VSTM1: variants seen among roughly 807,000 people sequenced by gnomAD.
VSTM1 encodes V-set and transmembrane domain-containing protein 1.
VSTM1 carries 27 observed loss-of-function variants against 33.1 expected under a neutral mutation model. The observed-to-expected ratio is 0.82, with a 90% CI of 0.60 to 1.12. The LOEUF (loss-of-function observed/expected upper bound fraction) is 1.12. Ranked by LOEUF, VSTM1 falls within the 50% of genes most tolerant of loss-of-function variation. VSTM1 has a pLI of 0.00. For missense variants in VSTM1, 304 were observed against 288.9 expected, an observed-to-expected ratio of 1.05 and a Z score of -0.38; for synonymous variants, 115 against 110.3, an observed-to-expected ratio of 1.04 and a Z score of -0.27.
chr19:54,051,162 C>T (rs191898278), intron 4 of VSTM1, among the ~76,000 whole-genome samples: 5 of 143,168 alleles, frequency 3.5e-5, no homozygotes, highest in East Asian at 2.2e-4. Flanking sequence ...TGTGGTGGTG[C>T]GTGCCTGTAG....
intron 1 of VSTM1, among the ~76,000 whole-genome samples, chr19:54,061,168 C>A (rs1252312709): frequency 1.3e-5 from 2 of 151,948 alleles, no homozygotes; most frequent in African/African-American, 4.8e-5. Context: ...CAGGTCCTTG[C>A]CACCATGCCC....
intron 3 of VSTM1, among the ~76,000 whole-genome samples, chr19:54,056,214 CTTTTT>C (rs869203085): frequency 2.6e-5 from 1 of 39,182 alleles, no homozygotes; most frequent in African/African-American, 9.7e-5. Context: ...CTTTTCTTTT[CTTTTT>C]TTTTTTTTTT....
chr19:54,060,061 C>A (rs111654349), intron 1 of VSTM1, among the ~76,000 whole-genome samples: 2,115 of 150,082 alleles, frequency 0.014, 43 homozygotes, highest in African/African-American at 0.048. Flanking sequence ...ACTGTGTTAG[C>A]CAGGATGGTC....
At chr19:54,061,035 T>TTTTTG (rs1568483961) in intron 1 of VSTM1, among the ~76,000 whole-genome samples, 7 of 145,422 alleles carry the variant, frequency 4.8e-5, no homozygotes, top group Non-Finnish European at 9.0e-5. Context: ...TTTTTTTTTT[T>TTTTTG]GACATGGAGT....
chr19:54,042,155 T>C lies in VSTM1; in HGVS notation c.515+14A>G. The C allele has an allele frequency of 6.2e-7, 1 of 1,613,880 alleles. No homozygotes were observed. The highest frequency in any genetic ancestry group is 8.5e-7 in the Non-Finnish European group (1 of 1,179,974). ...ATGGGAATAAGTGGAGCATGAGCTA[T>C]GCCAAGCATCTACCTCTTGGTGGAT... On this transcript the variant is annotated intron_variant, in intron 6 of 8. Transcript: ENST00000338372.
rs1285199315 is a variant in VSTM1, at chr19:54,041,922, C to G, written c.547G>C (p.Ala183Pro). The G allele has an allele frequency of 6.2e-7, 1 of 1,614,170 alleles. No individual in the cohort carries two copies. Among genetic ancestry groups the G allele is most frequent in the Admixed American group, 1.7e-5 (1 of 60,028 alleles). Residue 183 changes from alanine (A) to proline (P), a missense_variant, in exon 7 of 9, where the codon GCT becomes CCT. By Grantham distance (27) the Ala-to-Pro change is conservative. Transcript: ENST00000338372. ...TSHSKLPEQE[A>P]AEADLSNMER... Reference sequence around the variant, plus strand: ...AACTTCCCCTGTCCCTTACCGGCAGCCTCCTGCTCCGGAAGTTTGGAATGG... The same window carrying G: ...AACTTCCCCTGTCCCTTACCGGCAGGCTCCTGCTCCGGAAGTTTGGAATGG...
chr19:54,043,291 T>C (rs2146038570), intron 4 of VSTM1, among the ~76,000 whole-genome samples: 1 of 152,030 alleles, frequency 6.6e-6, no homozygotes, highest in South Asian at 2.1e-4. Flanking sequence ...CAATATCAAG[T>C]CTCCCCTGGA....
Position 54,063,862 on chromosome 19 carries a change from G to C in VSTM1, c.-85C>G, listed in dbSNP as rs941282682. 2.5e-5 allele frequency: 38 copies of C among 1,495,068 alleles called. No homozygotes were observed. In the African/African-American group the frequency reaches 4.0e-4, roughly 16 times the overall value. 92.6% of individuals were successfully genotyped at this position (1,495,068 alleles called of 1,614,324 possible). ...GGGACTGGGCCGGCCGCAGCTCTCC[G>C]GCTGCCCGGTTCGTCCCCAGGATGT... On this transcript the variant is annotated 5_prime_UTR_variant, in exon 1 of 9. Transcript: ENST00000338372.
rs754127263 is a variant in VSTM1, at chr19:54,042,344, G to A, written c.420C>T (p.Ile140=). 8.7e-6 allele frequency: 14 copies of A among 1,613,888 alleles called. No individual in the cohort carries two copies. The highest frequency in any genetic ancestry group is 1.2e-5 in the Non-Finnish European group (14 of 1,179,924). ...KTDTRTIFVA[I]FSCISILLLF... ...GGAGAAGGATGGAGATGCAGCTGAA[G>A]ATGGCGACAAAGATGGTTCTGGTGT... Residue 140 remains isoleucine (I), a synonymous_variant, in exon 5 of 9, where the codon ATC becomes ATT. Coordinates refer to ENST00000338372, the MANE Select transcript of VSTM1 (RefSeq NM_198481.4).
In VSTM1 at chr19:54,058,632, G is replaced by A. The variant is rs758573829; in HGVS notation, c.71-42C>T. 11 of 1,613,298 alleles carry A rather than the reference G, an allele frequency of 6.8e-6. No individual in the cohort carries two copies. In the South Asian group the frequency reaches 8.8e-5, roughly 13 times the overall value. ...GTTAATTTGAGTCTAGAATTCAGAC[G>A]ATTAAAGGAAAAGGTCATGAAGCGT... On this transcript the variant is annotated intron_variant, in intron 2 of 8. Transcript: ENST00000338372.
intron 1 of VSTM1, among the ~76,000 whole-genome samples, chr19:54,062,474 G>T (rs1190501299): frequency 2.6e-5 from 4 of 152,080 alleles, no homozygotes; most frequent in African/African-American, 9.7e-5. Flanking sequence ...TGTAATCCCA[G>T]CACTTTAGGA....
At position 54,053,616 on chromosome 19, in the gene VSTM1, C is replaced by G. The variant is rs926454934; in HGVS notation, c.356-2168G>C. Reference sequence around the variant, plus strand: ...GAAATGGACCCTTCCCCAGTCAAGCCTCCAGATGAGCCAGATGAGAACACA... The same window carrying G: ...GAAATGGACCCTTCCCCAGTCAAGCGTCCAGATGAGCCAGATGAGAACACA... On this transcript the variant is annotated intron_variant, in intron 3 of 8. Coordinates refer to ENST00000338372, the MANE Select transcript of VSTM1 (RefSeq NM_198481.4). Among the ~76,000 whole-genome samples, 42 of 141,644 alleles carry G rather than the reference C, an allele frequency of 3.0e-4. 7 individuals are homozygous for G. The highest frequency in any genetic ancestry group is 1.1e-3 in the African/African-American group (42 of 38,378). The allele number at this position is 141,644 out of a possible 152,430, so 92.9% of individuals were successfully genotyped here.
At chr19:54,061,237 C>G (rs1336573372) in intron 1 of VSTM1, among the ~76,000 whole-genome samples, 1 of 151,944 alleles carries the variant, frequency 6.6e-6, no homozygotes, top group Non-Finnish European at 1.5e-5. Context: ...AGTCTGGTCT[C>G]AAACTCCTGA....
chr19:54,055,308 C>T (rs2071037689), intron 3 of VSTM1, among the ~76,000 whole-genome samples: 1 of 141,912 alleles, frequency 7.0e-6, no homozygotes, highest in Non-Finnish European at 1.6e-5. Flanking sequence ...GTCTGAATAG[C>T]AACTGTGAAG....
intron 3 of VSTM1, 68 bp from the exon 4 acceptor site, chr19:54,051,516 A>C: frequency 2.3e-6 from 3 of 1,281,458 alleles, no homozygotes; most frequent in Non-Finnish European, 3.3e-6. Context: ...AGGAGTCCTC[A>C]CGTCCTACTT....
intron 6 of VSTM1, 104 bp from the exon 7 acceptor site, chr19:54,042,057 G>T: frequency 6.2e-7 from 1 of 1,600,704 alleles, no homozygotes; most frequent in Non-Finnish European, 8.6e-7. Flanking sequence ...GAGGAGGAAG[G>T]TCACAGAATG....
At chr19:54,063,630 G>T in intron 1 of VSTM1, 114 bp downstream of exon 1, 2 of 1,350,172 alleles carry the variant, frequency 1.5e-6, no homozygotes, top group Non-Finnish European at 2.1e-6. Context: ...CACCGCAGGT[G>T]TGCAACACCT....
rs2070316919 is a variant in VSTM1 at position 54,042,180 on chromosome 19, T to C, written c.504A>G (p.Glu168=). The part of the protein sequence containing the change: ...RCSQHSSSSE[E]STKRTSHSKL... ...TGCCAAGCATCTACCTCTTGGTGGA[T>C]TCCTCAGATGATGAACCTACAAAAA... is the stretch of plus-strand genomic sequence containing the variant. The change falls in exon 6 of 9, where the codon GAA becomes GAG. Residue 168 remains glutamate, a synonymous_variant. Transcript: ENST00000338372. The C allele has an allele frequency of 6.2e-7, 1 of 1,613,816 alleles. No homozygotes were observed. The highest frequency in any genetic ancestry group is 1.3e-5 in the African/African-American group (1 of 74,826).
At chr19:54,060,686 T>C (rs1263855320) in intron 1 of VSTM1, among the ~76,000 whole-genome samples, 1 of 152,026 alleles carries the variant, frequency 6.6e-6, no homozygotes, top group Non-Finnish European at 1.5e-5. Flanking sequence ...CAAACAGTGA[T>C]TCCTATATTC....
Sources: allele counts gnomAD v4.1 joint callset (sites outside exome capture counted in the v4.1 genomes callset), GRCh38; gene constraint gnomAD v4.1.1; transcripts MANE v1.5; gene names NCBI Gene and HGNC (gene_info 2026-07-23, HGNC 2026-07-21).